Variants in STXBP5 observed in about 807,000 individuals in gnomAD.
STXBP5 encodes the protein syntaxin binding protein 5.
In STXBP5, 50 loss-of-function variants were observed where a neutral mutation model predicts 152.4. The ratio of observed to expected loss-of-function variants is 0.33; its 90% CI spans 0.26 to 0.42. STXBP5 has a LOEUF of 0.42. Among genes scored for constraint, STXBP5 ranks in the 10% least tolerant of loss-of-function variants. The pLI, the probability that STXBP5 is intolerant of heterozygous loss-of-function variation, is 1.00. For synonymous variants in STXBP5, 492 were observed against 494.7 expected (o/e 0.99, Z 0.07); for missense variants, 1,167 against 1,388.6 (o/e 0.84, Z 2.54).
chr6:147,348,850 T>C (rs1784456882), intron 21 of STXBP5, among the ~76,000 whole-genome samples: 1 of 152,194 alleles, frequency 6.6e-6, no homozygotes, highest in Non-Finnish European at 1.5e-5. Context: ...CATTAAGAAA[T>C]GCTTGTTTTA....
chr6:147,386,582 A>C lies in STXBP5; in HGVS notation c.*1827A>C, dbSNP rs775336795. ...ATAAGCCCTTTTCAAAAGTTTTTGA[A>C]TTTATAGAAAGCACCAATGAATAAC... On this transcript the variant is annotated 3_prime_UTR_variant, in exon 28 of 28. Coordinates refer to ENST00000321680, the MANE Select transcript of STXBP5 (RefSeq NM_001127715.4). The C allele has an allele frequency of 2.0e-5, 3 of 151,978 alleles. No homozygotes were observed. The highest frequency in any genetic ancestry group is 3.9e-4 in the East Asian group (2 of 5,172). 9.4% of individuals were successfully genotyped at this position (151,978 alleles called of 1,614,324 possible).
At chr6:147,236,795 T>G (rs1778296531) in intron 3 of STXBP5, among the ~76,000 whole-genome samples, 1 of 151,636 alleles carries the variant, frequency 6.6e-6, no homozygotes, top group Non-Finnish European at 1.5e-5. Flanking sequence ...TTTTTTTTTT[T>G]TGAGATGGAG....
chr6:147,373,796 A>G lies in STXBP5; in HGVS notation c.3147A>G (p.Lys1049=), dbSNP rs1373663951. The part of the protein sequence containing the change: ...TPEAPNRGFF[K]GLFGGGAQSL... ...AAGCACCAAACAGGGGATTCTTTAA[A>G]GGCTTATTTGGAGGTGGTGCACAAT... Residue 1049 remains lysine (K), a synonymous_variant, in exon 26 of 28, where the codon AAA becomes AAG. Coordinates refer to ENST00000321680, the MANE Select transcript of STXBP5 (RefSeq NM_001127715.4). 2.5e-6 allele frequency: 4 copies of G among 1,613,880 alleles called. No homozygotes were observed. The highest frequency in any genetic ancestry group is 2.5e-6 in the Non-Finnish European group (3 of 1,179,846).
At chr6:147,327,369 G>C (rs373469793) in intron 18 of STXBP5, 93 bp downstream of exon 18, 2 of 1,418,798 alleles carry the variant, frequency 1.4e-6, no homozygotes. Context: ...TAGGTAAATA[G>C]CTTGCCTGAT....
chr6:147,213,278 T>C (rs1054673515), intron 2 of STXBP5, among the ~76,000 whole-genome samples: 3 of 151,686 alleles, frequency 2.0e-5, no homozygotes, highest in Admixed American at 2.0e-4. Flanking sequence ...TTTCTTTTTT[T>C]TTTTTGAGAT....
intron 9 of STXBP5, among the ~76,000 whole-genome samples, chr6:147,293,799 A>G (rs773198117): frequency 6.6e-6 from 1 of 152,138 alleles, no homozygotes; most frequent in African/African-American, 2.4e-5. Flanking sequence ...ACCCATACAT[A>G]TCGTTAGTAA....
intron 2 of STXBP5, among the ~76,000 whole-genome samples, chr6:147,219,030 T>G (rs544713373): frequency 6.6e-6 from 1 of 152,288 alleles, no homozygotes; most frequent in African/African-American, 2.4e-5. Context: ...TGTTTCTGAT[T>G]GTAGTGGAGA....
intron 9 of STXBP5, among the ~76,000 whole-genome samples, chr6:147,305,302 C>T (rs1209881553): frequency 6.6e-6 from 1 of 152,174 alleles, no homozygotes; most frequent in East Asian, 1.9e-4. Context: ...GTTTGGAAAG[C>T]AGTGTTCAAG....
intron 25 of STXBP5, among the ~76,000 whole-genome samples, chr6:147,371,220 T>A: frequency 6.6e-6 from 1 of 152,050 alleles, no homozygotes; most frequent in Admixed American, 6.5e-5. Context: ...TCATTCTAAA[T>A]AGTAGATTTA....
Position 147,278,123 on chromosome 6 carries a change from A to G in STXBP5, c.757A>G (p.Ile253Val), listed in dbSNP as rs1418479569. 9.9e-6 allele frequency: 16 copies of G among 1,612,926 alleles called. No homozygotes were observed. The East Asian group carries it at 3.4e-4, about 34-fold the overall frequency. ...TTGGCATCATGAAGGAAAACAATTTATTTGCAGTCATTCAGATGGCACCTT... is the reference window on the plus strand; with the variant it reads ...TTGGCATCATGAAGGAAAACAATTTGTTTGCAGTCATTCAGATGGCACCTT... Reference protein sequence around the residue: ...VAWHHEGKQFICSHSDGTLTI... With the variant: ...VAWHHEGKQFVCSHSDGTLTI... Residue 253 changes from isoleucine (I) to valine (V), a missense_variant, in exon 8 of 28, where the codon ATT (isoleucine) becomes GTT (valine). By Grantham distance (29) the Ile-to-Val change is conservative. This residue lies in a region of STXBP5 where 310 missense variants were observed against 346.1 expected (regional missense o/e 0.90). Coordinates refer to ENST00000321680, the MANE Select transcript of STXBP5 (RefSeq NM_001127715.4).
chr6:147,341,006 A>T (rs75408009), intron 21 of STXBP5, among the ~76,000 whole-genome samples: 14 of 152,276 alleles, frequency 9.2e-5, no homozygotes, highest in African/African-American at 2.9e-4. Context: ...TTGGTAGTAC[A>T]GTTATGCATA....
chr6:147,280,879 G>A (rs1464173738), intron 8 of STXBP5, among the ~76,000 whole-genome samples: 2 of 152,096 alleles, frequency 1.3e-5, no homozygotes, highest in Non-Finnish European at 2.9e-5. Flanking sequence ...TAAAAATTAG[G>A]ATGGTATTTG....
chr6:147,374,064 C>G (rs890739723), intron 26 of STXBP5, among the ~76,000 whole-genome samples: 1 of 152,102 alleles, frequency 6.6e-6, no homozygotes, highest in African/African-American at 2.4e-5. Context: ...CTTTTGATTA[C>G]TAAAAAGTAG....
intron 21 of STXBP5, chr6:147,351,756 G>C: frequency 3.3e-6 from 2 of 599,132 alleles, no homozygotes; most frequent in Non-Finnish European, 4.2e-6. Context: ...GTGAAAATTT[G>C]ATGTCCCTTC....
chr6:147,215,086 A>G (rs141306310), intron 2 of STXBP5, among the ~76,000 whole-genome samples: 5 of 152,310 alleles, frequency 3.3e-5, no homozygotes, highest in South Asian at 2.1e-4. Context: ...CGGCTACTCA[A>G]CTCTGCTTCT....
At position 147,389,822 on chromosome 6, in the gene STXBP5, AT is replaced by A. The variant is rs1786508492; in HGVS notation, c.*5074del. On this transcript the variant is annotated 3_prime_UTR_variant, in exon 28 of 28. Transcript: ENST00000321680. ...TGCAAAGAGGGTAAATCTTGTTTTA[AT>A]TTTTTTAACTTTTTTTTTTTGTAAA... 6.6e-6 allele frequency: 1 copy of A among 151,096 alleles called. No homozygotes were observed. Among genetic ancestry groups the A allele is most frequent in the Non-Finnish European group, 1.5e-5 (1 of 67,714 alleles). 9.4% of individuals were successfully genotyped at this position (151,096 alleles called of 1,614,324 possible).
intron 2 of STXBP5, among the ~76,000 whole-genome samples, chr6:147,207,042 C>CA (rs57864709): frequency 0.012 from 1,845 of 150,714 alleles, 21 homozygotes; most frequent in African/African-American, 0.035. Context: ...TTACTATTGT[C>CA]AAAAAAAAGA....
chr6:147,314,201 A>ACG, intron 12 of STXBP5, 63 bp from the exon 13 acceptor site: 1 of 1,426,332 alleles, frequency 7.0e-7, no homozygotes, highest in South Asian at 1.1e-5. Flanking sequence ...ACACACACAC[A>ACG]CACACACACG....
chr6:147,337,208 C>CACACACACACACACACACACAA (rs1187155215), intron 19 of STXBP5, among the ~76,000 whole-genome samples: 1 of 146,606 alleles, frequency 6.8e-6, no homozygotes, highest in African/African-American at 2.5e-5. Flanking sequence ...CACACACACA[C>CACACACACACACACACACACAA]ACACACAAGA....
Sources: gnomAD v4.1 joint callset for allele counts (sites outside exome capture counted in the v4.1 genomes callset) on GRCh38, gnomAD v4.1.1 for gene constraint, gnomAD v4.1.1 regional missense constraint, MANE v1.5 for transcripts, NCBI Gene and HGNC (gene_info 2026-07-23, HGNC 2026-07-21) for gene names.